Variants in CNTLN observed in about 807,000 individuals in gnomAD.
The protein encoded by CNTLN is centlein.
A neutral mutation model predicts 180.0 loss-of-function variants in CNTLN; 212 were observed. That is an observed-to-expected ratio of 1.18 (90% CI 1.05 to 1.32). The LOEUF is 1.32. Among genes scored for constraint, CNTLN ranks in the 40% most tolerant of loss-of-function variants. The probability of loss-of-function intolerance (pLI) is 0.00; values close to 1 mark genes in which losing one functional copy is unlikely to be tolerated. For missense variants in CNTLN, 2,095 were observed against 1,610.9 expected (o/e 1.30, Z -5.14); for synonymous variants, 722 against 563.1 (o/e 1.28, Z -3.99).
chr9:17,164,922 GCCA>G (rs962422892), intron 2 of CNTLN, among the ~76,000 whole-genome samples: 7 of 145,692 alleles, frequency 4.8e-5, no homozygotes, highest in Non-Finnish European at 1.0e-4. Flanking sequence ...TGCGACCTCT[GCCA>G]CCCGAGTTCA....
intron 6 of CNTLN, among the ~76,000 whole-genome samples, chr9:17,281,892 A>G (rs529590325): frequency 9.9e-4 from 150 of 152,246 alleles, no homozygotes; most frequent in South Asian, 6.0e-3. Context: ...TTGCACTAAT[A>G]TACATTCCCA....
At chr9:17,226,976 A>G (rs539081081) in intron 3 of CNTLN, among the ~76,000 whole-genome samples, 144 of 151,936 alleles carry the variant, frequency 9.5e-4, no homozygotes, top group Non-Finnish European at 1.8e-3. Flanking sequence ...GTACATGTGC[A>G]CAACGTGCAG....
chr9:17,153,541 G>A (rs1563827974), intron 2 of CNTLN, among the ~76,000 whole-genome samples: 4 of 152,174 alleles, frequency 2.6e-5, no homozygotes, highest in African/African-American at 4.8e-5. Flanking sequence ...TTAGTCTGAT[G>A]GGCTTCCCTT....
intron 19 of CNTLN, among the ~76,000 whole-genome samples, 198 bp from the exon 20 acceptor site, chr9:17,462,718 T>C (rs565019614): frequency 6.6e-6 from 1 of 151,752 alleles, no homozygotes; most frequent in African/African-American, 2.4e-5. Flanking sequence ...TAGTTTGGCA[T>C]GTTATATAAA....
intron 23 of CNTLN, among the ~76,000 whole-genome samples, chr9:17,476,288 C>G (rs961779783): frequency 6.6e-6 from 1 of 152,160 alleles, no homozygotes; most frequent in African/African-American, 2.4e-5. Context: ...CACTCCCTCT[C>G]CCTGAGCCTC....
intron 12 of CNTLN, among the ~76,000 whole-genome samples, chr9:17,351,768 C>T (rs1822386191): frequency 6.6e-6 from 1 of 152,130 alleles, no homozygotes; most frequent in Non-Finnish European, 1.5e-5. Flanking sequence ...GCAGATTGAC[C>T]TTTTAAACTA....
intron 13 of CNTLN, among the ~76,000 whole-genome samples, chr9:17,369,837 A>C (rs1824152924): frequency 1.3e-5 from 2 of 151,884 alleles, no homozygotes; most frequent in African/African-American, 4.8e-5. Context: ...AAATACAAAC[A>C]TTAGCCAGGC....
intron 6 of CNTLN, among the ~76,000 whole-genome samples, chr9:17,276,533 T>C (rs1211173214): frequency 1.3e-5 from 2 of 152,128 alleles, no homozygotes; most frequent in Non-Finnish European, 2.9e-5. Flanking sequence ...TATATTTTAT[T>C]GAATATTTGA....
rs555547261 is a variant in CNTLN at position 17,428,075 on chromosome 9, G to T, written c.3114+11886G>T. On this transcript the variant is annotated intron_variant, in intron 18 of 25. Transcript: ENST00000380647. ...GTAATTAGGGATAAAGGGAGAGAAT[G>T]GTTGGTTTTAGATCACCCTTGTTCA... 1.8e-4 allele frequency among the ~76,000 whole-genome samples: 28 copies of T among 152,104 alleles called. 1 individual carries two copies. Among genetic ancestry groups the T allele is most frequent in the Non-Finnish European group, 3.5e-4 (24 of 68,014 alleles).
intron 3 of CNTLN, among the ~76,000 whole-genome samples, chr9:17,228,460 G>C (rs1824614330): frequency 6.6e-6 from 1 of 152,004 alleles, no homozygotes. Flanking sequence ...TTTCAGTTAG[G>C]TGCAACAAGA....
chr9:17,514,424 T>G, the CNTLN span, among the ~76,000 whole-genome samples: 1 of 152,214 alleles, frequency 6.6e-6, no homozygotes, highest in Non-Finnish European at 1.5e-5. Flanking sequence ...GACTTTATCA[T>G]TAACATCGAT....
At chr9:17,194,768 C>G (rs1284749339) in intron 2 of CNTLN, among the ~76,000 whole-genome samples, 1 of 152,186 alleles carries the variant, frequency 6.6e-6, no homozygotes, top group East Asian at 1.9e-4. Flanking sequence ...ACTATATTAT[C>G]TGTTTTCACA....
At chr9:17,337,905 C>T (rs984108308) in intron 10 of CNTLN, among the ~76,000 whole-genome samples, 2 of 152,074 alleles carry the variant, frequency 1.3e-5, no homozygotes, top group African/African-American at 4.8e-5. Context: ...TAACAAAAAA[C>T]TTTAGTCATT....
intron 25 of CNTLN, chr9:17,494,876 CTTTT>C (rs35224903): frequency 0.018 from 4,782 of 266,662 alleles, no homozygotes; most frequent in Admixed American, 0.023. Context: ...CTATACCATA[CTTTT>C]TTTTTTTTTT....
At chr9:17,240,584 C>T (rs1825422123) in intron 5 of CNTLN, among the ~76,000 whole-genome samples, 1 of 152,066 alleles carries the variant, frequency 6.6e-6, no homozygotes, top group Non-Finnish European at 1.5e-5. Context: ...CATCTTTTGT[C>T]CCTTTTAAAA....
chr9:17,373,324 T>TA (rs1227874650), intron 13 of CNTLN, among the ~76,000 whole-genome samples: 1 of 152,172 alleles, frequency 6.6e-6, no homozygotes, highest in African/African-American at 2.4e-5. Context: ...CATTTCTATA[T>TA]GCCAACAGCA....
chr9:17,451,017 G>A (rs1356117359), intron 18 of CNTLN, among the ~76,000 whole-genome samples: 1 of 152,116 alleles, frequency 6.6e-6, no homozygotes, highest in Non-Finnish European at 1.5e-5. Flanking sequence ...CATAGAAAAT[G>A]ATAGCATTGT....
At chr9:17,525,988 T>A in the CNTLN span, among the ~76,000 whole-genome samples, 4 of 152,158 alleles carry the variant, frequency 2.6e-5, no homozygotes, top group African/African-American at 9.7e-5. Context: ...CAGGCTGGAG[T>A]GCAGTGGCGC....
intron 12 of CNTLN, among the ~76,000 whole-genome samples, chr9:17,350,691 C>G (rs2133287746): frequency 6.6e-6 from 1 of 152,232 alleles, no homozygotes; most frequent in South Asian, 2.1e-4. Context: ...GGCTCTCTTC[C>G]TGGCTTGTAG....
Sources: allele counts gnomAD v4.1 joint callset (sites outside exome capture counted in the v4.1 genomes callset), GRCh38; gene constraint gnomAD v4.1.1; transcripts MANE v1.5; gene names NCBI Gene and HGNC (gene_info 2026-07-23, HGNC 2026-07-21).